Variants in HERC2 observed in about 807,000 individuals in gnomAD.
HERC2 encodes the protein E3 ubiquitin-protein ligase HERC2.
HERC2 carries 102 observed loss-of-function variants against 537.7 expected under a neutral mutation model. The observed-to-expected ratio is 0.19, with a 90% CI of 0.16 to 0.22. The LOEUF is 0.22. Among genes scored for constraint, HERC2 ranks in the 10% least tolerant of loss-of-function variants. HERC2 has a pLI of 1.00. For missense variants in HERC2, 4,236 were observed against 6,198.2 expected (o/e 0.68, Z 10.63); for synonymous variants, 2,224 against 2,466.2 (o/e 0.90, Z 2.91).
chr15:28,317,941 A>C (rs549279162), intron 2 of HERC2, among the ~76,000 whole-genome samples: 7 of 152,214 alleles, frequency 4.6e-5, no homozygotes, highest in Non-Finnish European at 8.8e-5. Flanking sequence ...CTTCATGCCT[A>C]TCTAATTTCA....
chr15:28,157,727 T>C (rs1439403799), intron 69 of HERC2, among the ~76,000 whole-genome samples: 1 of 152,254 alleles, frequency 6.6e-6, no homozygotes, highest in East Asian at 1.9e-4. Context: ...GGGTTTTTTG[T>C]GTCTCTATCT....
intron 78 of HERC2, among the ~76,000 whole-genome samples, chr15:28,140,669 A>G (rs1451105851): frequency 1.3e-5 from 2 of 151,610 alleles, no homozygotes; most frequent in East Asian, 2.0e-4. Context: ...TTACAGGCAC[A>G]TGTCACTGAG....
intron 10 of HERC2, 103 bp downstream of exon 10, chr15:28,270,591 CT>C (rs1186811150): frequency 8.9e-7 from 1 of 1,125,666 alleles, no homozygotes; most frequent in Non-Finnish European, 1.3e-6. Flanking sequence ...CCAGCTCCCC[CT>C]ACCAATACCA....
In HERC2 at chr15:28,230,754, G is replaced by A. The variant is rs145096796; in HGVS notation, c.4676-254C>T. Among the ~76,000 whole-genome samples the A allele has an allele frequency of 3.6e-3, 539 of 151,782 alleles. 6 individuals carry two copies. Among genetic ancestry groups the A allele is most frequent in the African/African-American group, 0.012 (513 of 41,512 alleles). ...GCAGCCAGCAAGCTCTTCCTCAAGTGCCAGAGAGTGAACATTTGAGTCTTT... is the reference window on the plus strand; with the variant it reads ...GCAGCCAGCAAGCTCTTCCTCAAGTACCAGAGAGTGAACATTTGAGTCTTT... On this transcript the variant is annotated intron_variant, in intron 30 of 92. Coordinates refer to ENST00000261609, the MANE Select transcript of HERC2 (RefSeq NM_004667.6).
chr15:28,196,706 A>C, intron 50 of HERC2, 137 bp from the exon 51 acceptor site: 1 of 597,518 alleles, frequency 1.7e-6, no homozygotes. Flanking sequence ...AGAGATAGGT[A>C]CTAAAATGCT....
In HERC2 at chr15:28,163,080, T is replaced by C; in HGVS notation, c.10746+14A>G. The C allele has an allele frequency of 6.3e-7, 1 of 1,599,988 alleles. No individual in the cohort carries two copies. Among genetic ancestry groups the C allele is most frequent in the Non-Finnish European group, 8.5e-7 (1 of 1,174,666 alleles). On this transcript the variant is annotated intron_variant, in intron 69 of 92. Coordinates refer to ENST00000261609, the MANE Select transcript of HERC2 (RefSeq NM_004667.6). Reference sequence around the variant, plus strand: ...GAGGTGGAATCAGACGGCCCCGCCCTCCCTGAGACTCACCTGTGGGTAGGC... The same window carrying C: ...GAGGTGGAATCAGACGGCCCCGCCCCCCCTGAGACTCACCTGTGGGTAGGC...
intron 8 of HERC2, among the ~76,000 whole-genome samples, 164 bp downstream of exon 8, chr15:28,272,730 G>C (rs1423036918): frequency 1.3e-5 from 2 of 152,154 alleles, no homozygotes; most frequent in East Asian, 1.9e-4. Flanking sequence ...CATAAAACAG[G>C]AAGTGAAGAA....
At chr15:28,238,372 G>A (rs1902681938) in intron 24 of HERC2, among the ~76,000 whole-genome samples, 155 bp from the exon 25 acceptor site, 1 of 152,150 alleles carries the variant, frequency 6.6e-6, no homozygotes, top group Admixed American at 6.5e-5. Flanking sequence ...GGTTGCCTGG[G>A]CCAACTCAGA....
chr15:28,200,055 A>G (rs1385910847), intron 48 of HERC2, among the ~76,000 whole-genome samples: 3 of 152,176 alleles, frequency 2.0e-5, no homozygotes, highest in African/African-American at 7.2e-5. Flanking sequence ...AGGTAAAATC[A>G]GGTCATAAGA....
intron 57 of HERC2, among the ~76,000 whole-genome samples, chr15:28,179,782 T>A (rs1378487623): frequency 6.6e-6 from 1 of 152,196 alleles, no homozygotes; most frequent in African/African-American, 2.4e-5. Flanking sequence ...GTCTTAGTTT[T>A]TAACAAACAC....
intron 4 of HERC2, among the ~76,000 whole-genome samples, chr15:28,282,393 C>T (rs60100342): frequency 0.02 from 2,969 of 152,122 alleles, 93 homozygotes; most frequent in African/African-American, 0.067. Context: ...TAATTAAAAA[C>T]GGTCACGATA....
chr15:28,296,124 A>G (rs1021171960), intron 3 of HERC2, among the ~76,000 whole-genome samples: 2 of 152,184 alleles, frequency 1.3e-5, no homozygotes, highest in African/African-American at 4.8e-5. Flanking sequence ...TCTACATAAA[A>G]AACAATTATG....
intron 42 of HERC2, 96 bp from the exon 43 acceptor site, chr15:28,212,679 G>A (rs2140433085): frequency 1.6e-6 from 2 of 1,267,632 alleles, no homozygotes; most frequent in Middle Eastern, 5.6e-4. Context: ...ATCCTGAAAT[G>A]CCACACATAC....
intron 69 of HERC2, among the ~76,000 whole-genome samples, chr15:28,155,669 G>A (rs1892933911): frequency 6.6e-6 from 1 of 151,610 alleles, no homozygotes; most frequent in South Asian, 2.1e-4. Flanking sequence ...TTAGACCTTT[G>A]TCAGATGAGT....
chr15:28,116,168 C>T (rs564111092), intron 88 of HERC2, among the ~76,000 whole-genome samples: 1 of 152,126 alleles, frequency 6.6e-6, no homozygotes, highest in Non-Finnish European at 1.5e-5. Context: ...GCACCTCGTT[C>T]GCTTCCACAA....
rs1596392312 is a variant in HERC2, at chr15:28,286,186, AAGAAGCTAATATT to A, written c.323-5912_323-5900del. 4.6e-5 allele frequency among the ~76,000 whole-genome samples: 7 copies of A among 151,974 alleles called. No homozygotes were observed. The South Asian group carries it at 1.0e-3, about 22-fold the overall frequency. ...CAATTCATTTTAAGAAGCTACTATTAAGAAGCTAATATTAGAAGCTAATATTAAGAAGCTAATA... is the reference window on the plus strand; with the variant it reads ...CAATTCATTTTAAGAAGCTACTATTAAGAAGCTAATATTAAGAAGCTAATA... On this transcript the variant is annotated intron_variant, in intron 4 of 92. Transcript: ENST00000261609.
In HERC2 at chr15:28,146,125, T is replaced by C. The variant is rs1596046707; in HGVS notation, c.11008+112A>G. The C allele has an allele frequency of 1.6e-5, 12 of 751,690 alleles. 1 individual carries two copies. The highest frequency in any genetic ancestry group is 2.4e-5 in the Admixed American group (1 of 41,800). 46.6% of individuals were successfully genotyped at this position (751,690 alleles called of 1,614,324 possible). A position where few individuals can be genotyped will look rare whatever the true frequency, so the allele number is the denominator to read the frequency against. ...AGCTGAATAGCATATTGTCCCTTCCTTAAGACTTCCATGAGAATACGAAGG... is the reference window on the plus strand; with the variant it reads ...AGCTGAATAGCATATTGTCCCTTCCCTAAGACTTCCATGAGAATACGAAGG... On this transcript the variant is annotated intron_variant, in intron 71 of 92. Transcript: ENST00000261609.
chr15:28,113,566 G>T lies in HERC2; in HGVS notation c.14019+7C>A, dbSNP rs767982521. The T allele has an allele frequency of 6.2e-7, 1 of 1,612,100 alleles. No individual in the cohort carries two copies. The highest frequency in any genetic ancestry group is 1.7e-5 in the Admixed American group (1 of 60,014). ...TGCAGGGCAGCCCCACCTGGGGGTC[G>T]GCATACCATCGTCTCCAGTTCGTAG... On this transcript the variant is annotated splice_region_variant and intron_variant, in intron 91 of 92. Coordinates refer to ENST00000261609, the MANE Select transcript of HERC2 (RefSeq NM_004667.6). The surrounding 1 kb of genome is among the most constrained non-coding windows in gnomAD (Gnocchi z 7.0).
intron 36 of HERC2, among the ~76,000 whole-genome samples, chr15:28,220,944 G>A (rs1274401184): frequency 1.4e-5 from 2 of 140,436 alleles, no homozygotes; most frequent in Admixed American, 1.4e-4. Context: ...CCTGTTAGGA[G>A]GGTGCGTGCC....
Sources: gnomAD v4.1 joint callset for allele counts (sites outside exome capture counted in the v4.1 genomes callset) on GRCh38, gnomAD v4.1.1 for gene constraint, Gnocchi (gnomAD v3.1) non-coding constraint, MANE v1.5 for transcripts, NCBI Gene and HGNC (gene_info 2026-07-23, HGNC 2026-07-21) for gene names.